PMFBP1: variants seen among roughly 807,000 people sequenced by gnomAD.
The protein encoded by PMFBP1 is polyamine modulated factor 1 binding protein 1, also known as polyamine-modulated factor 1-binding protein 1.
In PMFBP1, 131 loss-of-function variants were observed where a neutral mutation model predicts 137.8. That is an observed-to-expected ratio of 0.95 (90% CI 0.82 to 1.10). PMFBP1 has a LOEUF of 1.10. Ranked by LOEUF, PMFBP1 falls within the 50% of genes least tolerant of loss-of-function variation. PMFBP1 has a pLI of 0.00. For missense variants in PMFBP1, 1,199 were observed against 1,175.4 expected, an observed-to-expected ratio of 1.02 and a Z score of -0.29; for synonymous variants, 490 against 450.4, an observed-to-expected ratio of 1.09 and a Z score of -1.11.
upstream of PMFBP1, chr16:72,176,990 CCTT>C (rs1447900735): frequency 6.6e-6 from 1 of 152,222 alleles, no homozygotes; most frequent in Non-Finnish European, 1.5e-5. Context: ...TTCACTTTCT[CCTT>C]CTCTATTTGC....
chr16:72,191,235 C>T, the PMFBP1 span, among the ~76,000 whole-genome samples: 8 of 152,112 alleles, frequency 5.3e-5, no homozygotes, highest in Middle Eastern at 3.2e-3. Flanking sequence ...TAAATTGTTT[C>T]GGAAGCGCAG....
the PMFBP1 span, among the ~76,000 whole-genome samples, chr16:72,202,538 G>A: frequency 0.031 from 4,658 of 152,144 alleles, 101 homozygotes; most frequent in Non-Finnish European, 0.043. Context: ...GTCCCACCCC[G>A]ACACTGGTTA....
At chr16:72,232,422 G>C in the PMFBP1 span, among the ~76,000 whole-genome samples, 1 of 152,144 alleles carries the variant, frequency 6.6e-6, no homozygotes, top group Admixed American at 6.6e-5. Flanking sequence ...CAGCTTCTCA[G>C]ACCCACTATT....
chr16:72,238,150 C>T, the PMFBP1 span, among the ~76,000 whole-genome samples: 1 of 152,104 alleles, frequency 6.6e-6, no homozygotes, highest in African/African-American at 2.4e-5. Context: ...TATATATATT[C>T]CTTTGGGTAT....
At chr16:72,181,239 AAAAAAAAAAAAT>A (rs890464032), upstream of PMFBP1, among the ~76,000 whole-genome samples, 5 of 147,266 alleles carry the variant, frequency 3.4e-5, no homozygotes, top group African/African-American at 1.2e-4. Flanking sequence ...CTTCATCTCA[AAAAAAAAAAAAT>A]AATAATAATA....
chr16:72,235,133 G>A, the PMFBP1 span, among the ~76,000 whole-genome samples: 1 of 152,148 alleles, frequency 6.6e-6, no homozygotes, highest in Admixed American at 6.6e-5. Context: ...GTCAGGATTT[G>A]CTCCTATGTT....
chr16:72,223,898 C>A, the PMFBP1 span, among the ~76,000 whole-genome samples: 1 of 152,118 alleles, frequency 6.6e-6, no homozygotes, highest in African/African-American at 2.4e-5. Flanking sequence ...CCTATCTATA[C>A]CTTAAAGGCC....
At chr16:72,215,953 C>A in the PMFBP1 span, among the ~76,000 whole-genome samples, 1 of 152,200 alleles carries the variant, frequency 6.6e-6, no homozygotes, top group Non-Finnish European at 1.5e-5. Context: ...CTACTGTTCA[C>A]CAATCTCTCT....
upstream of PMFBP1, chr16:72,172,349 G>A (rs968655416): frequency 6.6e-6 from 1 of 151,460 alleles, no homozygotes; most frequent in African/African-American, 2.4e-5. Context: ...GACCGTGAAG[G>A]TTTATTTTTT....
intron 5 of PMFBP1, among the ~76,000 whole-genome samples, chr16:72,147,898 T>A (rs919907454): frequency 6.6e-6 from 1 of 152,214 alleles, no homozygotes; most frequent in African/African-American, 2.4e-5. Context: ...TGTAGAGAAA[T>A]AGGAACACTT....
At chr16:72,204,392 G>A in the PMFBP1 span, among the ~76,000 whole-genome samples, 2 of 152,050 alleles carry the variant, frequency 1.3e-5, no homozygotes, top group East Asian at 3.9e-4. Context: ...TGTGGAGATA[G>A]GGTTTTACTA....
At position 72,123,746 on chromosome 16, in the gene PMFBP1, A is replaced by G. The variant is rs557262745; in HGVS notation, c.2590-97T>C. 2.2e-4 allele frequency: 246 copies of G among 1,110,384 alleles called. 2 individuals carry two copies. In the Admixed American group the frequency reaches 5.9e-3, roughly 27 times the overall value. The allele number at this position is 1,110,384 out of a possible 1,614,324, so 68.8% of individuals were successfully genotyped here. The stretch of plus-strand genomic sequence containing the variant: ...GCCTCTTCTATCTCCCTGGGAAAAG[A>G]AAACTTGACTCTGCTGTCCAACCCG... On this transcript the variant is annotated intron_variant, in intron 17 of 20. Coordinates refer to ENST00000237353, the MANE Select transcript of PMFBP1 (RefSeq NM_031293.3).
At chr16:72,249,291 T>C in the PMFBP1 span, among the ~76,000 whole-genome samples, 17 of 151,418 alleles carry the variant, frequency 1.1e-4, no homozygotes, top group Non-Finnish European at 2.2e-4. Context: ...TTTGATAATA[T>C]ATTAAAAAAT....
intron 10 of PMFBP1, among the ~76,000 whole-genome samples, chr16:72,131,316 G>A (rs2042546547): frequency 6.6e-6 from 1 of 152,222 alleles, no homozygotes. Context: ...AGTTGAGTAA[G>A]TGGATGGATG....
chr16:72,242,764 T>C, the PMFBP1 span, among the ~76,000 whole-genome samples: 2 of 152,254 alleles, frequency 1.3e-5, no homozygotes, highest in Non-Finnish European at 2.9e-5. Context: ...GTAAGGGCTA[T>C]TATTGAGAAA....
the PMFBP1 span, among the ~76,000 whole-genome samples, chr16:72,236,352 C>T: frequency 6.6e-6 from 1 of 152,088 alleles, no homozygotes; most frequent in African/African-American, 2.4e-5. Context: ...CAAAATGTTA[C>T]TAGTGTGTCT....
the PMFBP1 span, among the ~76,000 whole-genome samples, chr16:72,232,937 A>T: frequency 1.3e-5 from 2 of 152,114 alleles, no homozygotes; most frequent in African/African-American, 2.4e-5. Flanking sequence ...ATGGTAGGAG[A>T]TAGGCAGAAA....
At chr16:72,246,093 AG>A in the PMFBP1 span, among the ~76,000 whole-genome samples, 5 of 152,186 alleles carry the variant, frequency 3.3e-5, no homozygotes, top group African/African-American at 1.2e-4. Flanking sequence ...CTGGGGAGGG[AG>A]GAGATTACAG....
the PMFBP1 span, among the ~76,000 whole-genome samples, chr16:72,233,481 A>C: frequency 2.0e-5 from 3 of 152,196 alleles, no homozygotes; most frequent in African/African-American, 7.2e-5. Context: ...AATGGAACAC[A>C]GCATCTTTGT....
Sources: gnomAD v4.1 joint callset for allele counts (sites outside exome capture counted in the v4.1 genomes callset) on GRCh38, gnomAD v4.1.1 for gene constraint, MANE v1.5 for transcripts, NCBI Gene and HGNC (gene_info 2026-07-23, HGNC 2026-07-21) for gene names.